The following LYPLA1 variants were observed in gnomAD, a reference collection of about 807,000 sequenced individuals.
LYPLA1 encodes acyl-protein thioesterase 1.
A neutral mutation model predicts 34.0 loss-of-function variants in LYPLA1; 17 were observed. The observed-to-expected ratio is 0.50, with a 90% confidence interval of 0.34 to 0.75. The LOEUF is 0.75. LYPLA1 is among the 30% of genes least tolerant of loss of function. LYPLA1 has a pLI of 0.01. For synonymous variants in LYPLA1, 98 were observed against 100.8 expected, an observed-to-expected ratio of 0.97 and a Z score of 0.17; for missense variants, 203 against 288.8, an observed-to-expected ratio of 0.70 and a Z score of 2.15.
At chr8:54,052,790 C>T (rs1563562691) in intron 6 of LYPLA1, 34 bp from the exon 7 acceptor site, 1 of 1,335,590 alleles carries the variant, frequency 7.5e-7, no homozygotes. Flanking sequence ...CAATGGAACA[C>T]ACATGCTTGC....
intron 5 of LYPLA1, among the ~76,000 whole-genome samples, chr8:54,061,919 G>A (rs890780107): frequency 2.6e-5 from 4 of 152,076 alleles, no homozygotes; most frequent in Non-Finnish European, 4.4e-5. Context: ...GCAGTGGGGC[G>A]ATCTCAGCTC....
intron 2 of LYPLA1, among the ~76,000 whole-genome samples, chr8:54,093,099 A>G (rs368083999): frequency 5.9e-5 from 9 of 152,344 alleles, no homozygotes; most frequent in African/African-American, 2.2e-4. Context: ...TAGGGTTGAT[A>G]TAAGTCAGAG....
chr8:54,086,438 TAAAAAAAAAA>T (rs768755796), intron 2 of LYPLA1, among the ~76,000 whole-genome samples: 1 of 34,692 alleles, frequency 2.9e-5, no homozygotes, highest in Non-Finnish European at 5.3e-5. Flanking sequence ...CTAAAAAAAT[TAAAAAAAAAA>T]AAAAAAAAAA....
At chr8:54,101,423 G>T (rs148279665) in intron 1 of LYPLA1, 1 of 1,073,506 alleles carries the variant, frequency 9.3e-7, no homozygotes. Flanking sequence ...GCGATTTCCT[G>T]GCGGACTTAG....
intron 2 of LYPLA1, among the ~76,000 whole-genome samples, chr8:54,080,306 C>T (rs1012576308): frequency 6.6e-6 from 1 of 151,412 alleles, no homozygotes; most frequent in Non-Finnish European, 1.5e-5. Flanking sequence ...GAGCCACGAG[C>T]GTACTATGCC....
At chr8:54,086,634 G>T (rs1808806761) in intron 2 of LYPLA1, among the ~76,000 whole-genome samples, 1 of 151,158 alleles carries the variant, frequency 6.6e-6, no homozygotes, top group Non-Finnish European at 1.5e-5. Flanking sequence ...AGCCCAAAGT[G>T]GGGGGATTGC....
chr8:54,088,943 A>C (rs1265345772), intron 2 of LYPLA1, among the ~76,000 whole-genome samples: 1 of 152,228 alleles, frequency 6.6e-6, no homozygotes, highest in Non-Finnish European at 1.5e-5. Context: ...AGCCTGAAAA[A>C]CATTATGTTA....
chr8:54,058,047 T>A (rs974948833), intron 5 of LYPLA1, among the ~76,000 whole-genome samples: 1 of 152,232 alleles, frequency 6.6e-6, no homozygotes, highest in African/African-American at 2.4e-5. Context: ...GATGGATTTT[T>A]AAAAAATTAA....
downstream of LYPLA1, among the ~76,000 whole-genome samples, chr8:54,043,804 A>G (rs893050665): frequency 1.3e-5 from 2 of 151,594 alleles, no homozygotes; most frequent in Admixed American, 6.6e-5. Context: ...CAAGGGATCC[A>G]CCCTCCTTGG....
intron 2 of LYPLA1, among the ~76,000 whole-genome samples, chr8:54,066,433 T>C (rs970561255): frequency 6.6e-6 from 1 of 152,184 alleles, no homozygotes; most frequent in Admixed American, 6.5e-5. Flanking sequence ...AAAATGTCTT[T>C]ATACAATGTG....
At chr8:54,086,398 C>T (rs1217568508) in intron 2 of LYPLA1, among the ~76,000 whole-genome samples, 11 of 139,386 alleles carry the variant, frequency 7.9e-5, no homozygotes, top group Non-Finnish European at 1.2e-4. Flanking sequence ...TCCCCCTCTC[C>T]GAGAAACACC....
rs777823368 is a variant in LYPLA1, at chr8:54,051,018, A to G, written c.633T>C (p.Cys211=). The G allele has an allele frequency of 5.0e-6, 8 of 1,606,086 alleles. No individual in the cohort carries two copies. In the African/African-American group the frequency reaches 9.4e-5, roughly 19 times the overall value. The part of the protein sequence containing the change: ...KTYEGMMHSS[C]QQEMMDVKQF... ...ACTGCTTCTAGACACCTACCTGTTG[A>G]CACGAACTGTGCATCATACCTTCAT... Residue 211 remains cysteine, a synonymous_variant, in exon 8 of 9, where the codon TGT becomes TGC. Transcript: ENST00000316963.
chr8:54,052,892 G>A (rs998932082), intron 6 of LYPLA1, 136 bp from the exon 7 acceptor site: 8 of 612,568 alleles, frequency 1.3e-5, no homozygotes, highest in African/African-American at 7.3e-5. Context: ...GGCAAATATC[G>A]GAAATACAAA....
rs369437185 is a variant in LYPLA1, at chr8:54,085,807, T to TG, written c.101+15100dup. Reference sequence around the variant, plus strand: ...CCGGCCAGCCGCCCCGTCCGCGAGGTGGGGGGGGGGCAGCCCCCGGCCGGC... The same window carrying TG: ...CCGGCCAGCCGCCCCGTCCGCGAGGTGGGGGGGGGGGCAGCCCCCGGCCGGC... On this transcript the variant is annotated intron_variant, in intron 2 of 8. Coordinates refer to ENST00000316963, the MANE Select transcript of LYPLA1 (RefSeq NM_006330.4). Among the ~76,000 whole-genome samples, 1,141 of 131,986 alleles carry TG rather than the reference T, an allele frequency of 8.6e-3. 4 individuals are homozygous for TG. Among genetic ancestry groups the TG allele is most frequent in the Admixed American group, 0.018 (249 of 13,722 alleles). 86.6% of individuals were successfully genotyped at this position (131,986 alleles called of 152,430 possible).
At position 54,048,107 on chromosome 8, in the gene LYPLA1, A is replaced by G. The variant is rs368393610; in HGVS notation, c.651T>C (p.Asp217=). Residue 217 remains aspartate, a synonymous_variant, in exon 9 of 9, where the codon GAT becomes GAC. Transcript: ENST00000316963. ...GGAGTTTATCAATGAATTGCTTGACATCCATCATTTCCTGTTTGGAATAAA... is the reference window on the plus strand; with the variant it reads ...GGAGTTTATCAATGAATTGCTTGACGTCCATCATTTCCTGTTTGGAATAAA... The part of the protein sequence containing the change: ...MHSSCQQEMM[D]VKQFIDKLLP... The G allele has an allele frequency of 1.2e-6, 2 of 1,608,322 alleles. No homozygotes were observed. The highest frequency in any genetic ancestry group is 1.7e-6 in the Non-Finnish European group (2 of 1,175,254).
chr8:54,052,841 A>G, intron 6 of LYPLA1, 85 bp from the exon 7 acceptor site: 5 of 834,898 alleles, frequency 6.0e-6, no homozygotes, highest in Non-Finnish European at 9.8e-6. Context: ...AATGATATCC[A>G]TAAAAAAATC....
chr8:54,079,353 TA>T (rs1162783657), intron 2 of LYPLA1, among the ~76,000 whole-genome samples: 1 of 152,148 alleles, frequency 6.6e-6, no homozygotes, highest in Non-Finnish European at 1.5e-5. Context: ...AAATAGATTT[TA>T]ATGTGTATAA....
At chr8:54,084,163 TAAAA>T (rs1406291695) in intron 2 of LYPLA1, among the ~76,000 whole-genome samples, 2 of 132,612 alleles carry the variant, frequency 1.5e-5, no homozygotes, top group African/African-American at 6.4e-5. Context: ...TATATATATA[TAAAA>T]TAAAGACCTC....
At chr8:54,078,513 A>C (rs1163876913) in intron 2 of LYPLA1, among the ~76,000 whole-genome samples, 3 of 152,192 alleles carry the variant, frequency 2.0e-5, no homozygotes, top group Non-Finnish European at 2.9e-5. Context: ...AAAGCAAAAC[A>C]CATCCGTACG....
Sources: allele counts gnomAD v4.1 joint callset (sites outside exome capture counted in the v4.1 genomes callset), GRCh38; gene constraint gnomAD v4.1.1; transcripts MANE v1.5; gene names NCBI Gene and HGNC (gene_info 2026-07-23, HGNC 2026-07-21).